The following FUT9 variants were observed in gnomAD, a reference collection of about 807,000 sequenced individuals.
The protein encoded by FUT9 is fucosyltransferase 9.
In FUT9, 15 loss-of-function variants were observed where a neutral mutation model predicts 29.7. The observed-to-expected ratio is 0.51, with a 90% CI of 0.34 to 0.78. FUT9 has a LOEUF of 0.78. Among genes scored for constraint, FUT9 ranks in the 30% least tolerant of loss-of-function variants. The pLI is 0.01. For synonymous variants in FUT9, 169 were observed against 153.7 expected (o/e 1.10, Z -0.74); for missense variants, 319 against 425.4 (o/e 0.75, Z 2.20).
intron 2 of FUT9, among the ~76,000 whole-genome samples, chr6:96,153,154 T>C (rs11963391): frequency 0.16 from 24,075 of 152,158 alleles, 2,105 homozygotes; most frequent in African/African-American, 0.19. Context: ...AAGTATTTAA[T>C]TGTCATAGGT....
At chr6:96,019,321 C>G (rs1770030967) in intron 1 of FUT9, among the ~76,000 whole-genome samples, 1 of 151,892 alleles carries the variant, frequency 6.6e-6, no homozygotes, top group African/African-American at 2.4e-5. Context: ...TATTTTTATA[C>G]TCTAATATAT....
intron 2 of FUT9, among the ~76,000 whole-genome samples, chr6:96,202,113 T>A (rs1773735840): frequency 6.6e-6 from 1 of 151,986 alleles, no homozygotes; most frequent in Non-Finnish European, 1.5e-5. Flanking sequence ...AAATGACCCG[T>A]GAGAATTTTA....
intron 1 of FUT9, among the ~76,000 whole-genome samples, chr6:96,035,254 A>G (rs1349590362): frequency 6.6e-6 from 1 of 151,650 alleles, no homozygotes. Context: ...AAAGTCAGAG[A>G]GAGAGAAGAG....
At chr6:96,095,536 A>G (rs2127955088) in intron 1 of FUT9, among the ~76,000 whole-genome samples, 1 of 152,294 alleles carries the variant, frequency 6.6e-6, no homozygotes. Flanking sequence ...GCAGCATTTG[A>G]CAAAGTTAGT....
At chr6:96,104,599 C>T (rs964516325) in intron 1 of FUT9, among the ~76,000 whole-genome samples, 2 of 151,902 alleles carry the variant, frequency 1.3e-5, no homozygotes, top group Non-Finnish European at 2.9e-5. Flanking sequence ...GGTGTGATCT[C>T]GGCTCACCGC....
chr6:96,035,972 AT>A (rs1770357332), intron 1 of FUT9, among the ~76,000 whole-genome samples: 1 of 67,582 alleles, frequency 1.5e-5, no homozygotes, highest in Non-Finnish European at 2.5e-5. Context: ...ATATAATATA[AT>A]ACATTATGTT....
chr6:96,056,579 T>C (rs1424812447), intron 1 of FUT9, among the ~76,000 whole-genome samples: 1 of 152,116 alleles, frequency 6.6e-6, no homozygotes, highest in African/African-American at 2.4e-5. Context: ...CAAATATACC[T>C]AGTATCCAAC....
chr6:96,172,568 G>A (rs1773131940), intron 2 of FUT9, among the ~76,000 whole-genome samples: 1 of 151,966 alleles, frequency 6.6e-6, no homozygotes, highest in South Asian at 2.1e-4. Context: ...TAGGGTCTTA[G>A]TAGAGTGTGG....
chr6:96,058,228 T>C (rs1391844519), intron 1 of FUT9, among the ~76,000 whole-genome samples: 1 of 152,126 alleles, frequency 6.6e-6, no homozygotes. Flanking sequence ...GCAGTACTTC[T>C]ATGAATAGTT....
At chr6:96,139,001 T>A (rs1321830660) in intron 2 of FUT9, among the ~76,000 whole-genome samples, 2 of 152,144 alleles carry the variant, frequency 1.3e-5, no homozygotes, top group Admixed American at 6.5e-5. Context: ...TTAATCTCCA[T>A]GTTTTAAAAA....
At chr6:96,020,109 C>T (rs1203194895) in intron 1 of FUT9, among the ~76,000 whole-genome samples, 1 of 152,108 alleles carries the variant, frequency 6.6e-6, no homozygotes, top group Non-Finnish European at 1.5e-5. Flanking sequence ...TTTTCATTCA[C>T]TCCCACCTTC....
At chr6:96,186,728 C>T (rs2127987483) in intron 2 of FUT9, among the ~76,000 whole-genome samples, 1 of 152,172 alleles carries the variant, frequency 6.6e-6, no homozygotes, top group South Asian at 2.1e-4. Flanking sequence ...GGTGTCAATT[C>T]CATTTCAGAT....
intron 2 of FUT9, among the ~76,000 whole-genome samples, chr6:96,180,857 T>C (rs1215777187): frequency 6.6e-6 from 1 of 151,960 alleles, no homozygotes; most frequent in African/African-American, 2.4e-5. Context: ...GTTAATTCTA[T>C]ATCTTGGTTA....
chr6:96,021,553 A>C (rs559688759), intron 1 of FUT9, among the ~76,000 whole-genome samples: 2 of 152,190 alleles, frequency 1.3e-5, no homozygotes, highest in Non-Finnish European at 2.9e-5. Context: ...CCTATAATCA[A>C]AAGTTTAAAA....
At chr6:96,124,498 TTAA>T (rs1303855096) in intron 2 of FUT9, among the ~76,000 whole-genome samples, 1 of 152,116 alleles carries the variant, frequency 6.6e-6, no homozygotes, top group Non-Finnish European at 1.5e-5. Flanking sequence ...GTGATTATCT[TTAA>T]TTTTTATTTT....
chr6:96,190,590 G>C (rs1773488011), intron 2 of FUT9, among the ~76,000 whole-genome samples: 1 of 152,034 alleles, frequency 6.6e-6, no homozygotes, highest in South Asian at 2.1e-4. Context: ...ATATTTCTTG[G>C]AGGCTTTGTT....
At chr6:96,064,441 G>T (rs1770928458) in intron 1 of FUT9, among the ~76,000 whole-genome samples, 1 of 152,070 alleles carries the variant, frequency 6.6e-6, no homozygotes, top group African/African-American at 2.4e-5. Flanking sequence ...ACTTGCAGGT[G>T]CATAGTAAAG....
chr6:96,016,286 G>C (rs1282786833), intron 1 of FUT9, 74 bp downstream of exon 1: 1 of 152,644 alleles, frequency 6.6e-6, no homozygotes, highest in Non-Finnish European at 1.5e-5. Flanking sequence ...GGTTTGGGAG[G>C]CACCCCAAAC....
chr6:96,199,132 C>T, intron 2 of FUT9, among the ~76,000 whole-genome samples: 1 of 152,150 alleles, frequency 6.6e-6, no homozygotes, highest in South Asian at 2.1e-4. Flanking sequence ...ATCCTATTTA[C>T]TGTTACAATT....
Sources: allele counts gnomAD v4.1 joint callset (sites outside exome capture counted in the v4.1 genomes callset), GRCh38; gene constraint gnomAD v4.1.1; transcripts MANE v1.5; gene names NCBI Gene and HGNC (gene_info 2026-07-23, HGNC 2026-07-21).